Variants in LYPD6B observed in about 807,000 individuals in gnomAD.
The protein encoded by LYPD6B is ly6/PLAUR domain-containing protein 6B.
LYPD6B carries 17 observed loss-of-function variants against 22.8 expected under a neutral mutation model. The ratio of observed to expected loss-of-function variants is 0.75; its 90% CI spans 0.51 to 1.12. The LOEUF is 1.12. Among genes scored for constraint, LYPD6B ranks in the 50% most tolerant of loss-of-function variants. The pLI is 0.00. For missense variants in LYPD6B, 221 were observed against 258.3 expected (o/e 0.86, Z 0.99); for synonymous variants, 106 against 91.6 (o/e 1.16, Z -0.90).
intron 1 of LYPD6B, among the ~76,000 whole-genome samples, chr2:149,045,217 T>C (rs1179514892): frequency 1.3e-5 from 2 of 152,104 alleles, no homozygotes; most frequent in African/African-American, 4.8e-5. Flanking sequence ...CAGAATTTTT[T>C]GTGGTGTTCT....
intron 1 of LYPD6B, among the ~76,000 whole-genome samples, chr2:149,104,639 G>A (rs1352532795): frequency 6.6e-6 from 1 of 151,990 alleles, no homozygotes; most frequent in Non-Finnish European, 1.5e-5. Flanking sequence ...TAGATACTTT[G>A]CAAATCTTTT....
chr2:149,140,610 A>G (rs906977503), intron 2 of LYPD6B, among the ~76,000 whole-genome samples: 13 of 152,264 alleles, frequency 8.5e-5, no homozygotes, highest in African/African-American at 3.1e-4. Flanking sequence ...GATTCAAATA[A>G]TCTCTTTAAG....
intron 1 of LYPD6B, among the ~76,000 whole-genome samples, chr2:149,092,362 G>A (rs998004072): frequency 1.3e-5 from 2 of 152,090 alleles, no homozygotes; most frequent in African/African-American, 4.8e-5. Context: ...CCTTAGACTT[G>A]GGATGTCATG....
intron 1 of LYPD6B, among the ~76,000 whole-genome samples, chr2:149,123,463 G>A (rs987987884): frequency 4.6e-5 from 7 of 152,136 alleles, no homozygotes; most frequent in Admixed American, 1.3e-4. Context: ...AGATCTGTAC[G>A]TAACTAAAGT....
chr2:149,103,267 G>T (rs1306102090), intron 1 of LYPD6B, among the ~76,000 whole-genome samples: 1 of 152,188 alleles, frequency 6.6e-6, no homozygotes, highest in Non-Finnish European at 1.5e-5. Context: ...ATGTTTACAT[G>T]AAGAAGAAAA....
chr2:149,067,774 C>T (rs936890856), intron 1 of LYPD6B, among the ~76,000 whole-genome samples: 7 of 152,010 alleles, frequency 4.6e-5, no homozygotes, highest in African/African-American at 7.2e-5. Context: ...AGTTATTTTA[C>T]AGTCCAAATG....
chr2:149,194,372 G>T (rs1692673826), intron 3 of LYPD6B, among the ~76,000 whole-genome samples: 1 of 152,122 alleles, frequency 6.6e-6, no homozygotes, highest in South Asian at 2.1e-4. Context: ...CTAGATTCAA[G>T]ACTCAGTTGG....
intron 1 of LYPD6B, among the ~76,000 whole-genome samples, chr2:149,045,457 T>G (rs183638555): frequency 1.3e-5 from 2 of 152,018 alleles, no homozygotes; most frequent in East Asian, 3.8e-4. Flanking sequence ...TGTCTTTGCT[T>G]AGGTTTAATG....
intron 1 of LYPD6B, among the ~76,000 whole-genome samples, chr2:149,093,976 T>G (rs1415383707): frequency 6.6e-6 from 1 of 152,350 alleles, no homozygotes; most frequent in Middle Eastern, 3.4e-3. Context: ...TTTTCTTGAC[T>G]TTTCTTTTTT....
At chr2:149,090,995 G>A (rs938962762) in intron 1 of LYPD6B, among the ~76,000 whole-genome samples, 10 of 152,032 alleles carry the variant, frequency 6.6e-5, no homozygotes, top group South Asian at 2.1e-4. Context: ...CTGAAAATAC[G>A]TGAGTGCCCT....
intron 2 of LYPD6B, among the ~76,000 whole-genome samples, chr2:149,144,871 C>T (rs1182740468): frequency 1.3e-5 from 2 of 152,168 alleles, no homozygotes; most frequent in Non-Finnish European, 2.9e-5. Context: ...TCTTCCACCC[C>T]TGATTTGTAT....
chr2:149,054,305 A>T (rs186474772), intron 1 of LYPD6B, among the ~76,000 whole-genome samples: 83 of 152,294 alleles, frequency 5.4e-4, no homozygotes, highest in African/African-American at 1.9e-3. Context: ...GGTGTGAAGT[A>T]ATATTTCTTT....
chr2:149,115,753 T>C (rs1160784778), intron 1 of LYPD6B, among the ~76,000 whole-genome samples: 2 of 152,222 alleles, frequency 1.3e-5, no homozygotes, highest in Non-Finnish European at 2.9e-5. Context: ...TAGACCAATA[T>C]ATCAGTCTCC....
intron 1 of LYPD6B, among the ~76,000 whole-genome samples, chr2:149,056,222 C>T (rs895607050): frequency 6.6e-6 from 1 of 152,164 alleles, no homozygotes; most frequent in African/African-American, 2.4e-5. Context: ...AAGTACTAGC[C>T]TTCTATCCTG....
At chr2:149,062,860 C>CTTTTTTTTTTTTTTTTTTT (rs5835285) in intron 1 of LYPD6B, among the ~76,000 whole-genome samples, 2 of 93,556 alleles carry the variant, frequency 2.1e-5, no homozygotes, top group African/African-American at 4.0e-5. Flanking sequence ...GATACATGTT[C>CTTTTTTTTTTTTTTTTTTT]TTTTTTTTTT....
intron 2 of LYPD6B, among the ~76,000 whole-genome samples, chr2:149,147,089 G>A (rs1009535733): frequency 2.0e-5 from 3 of 152,236 alleles, no homozygotes; most frequent in Admixed American, 1.3e-4. Context: ...GCTTCTCAGC[G>A]GTTCCCAGAG....
intron 2 of LYPD6B, among the ~76,000 whole-genome samples, chr2:149,139,962 AAAG>A (rs1299889513): frequency 6.6e-6 from 1 of 152,208 alleles, no homozygotes; most frequent in East Asian, 1.9e-4. Flanking sequence ...GGTGGGAAGA[AAAG>A]AAGACTCACC....
intron 2 of LYPD6B, among the ~76,000 whole-genome samples, chr2:149,153,410 G>A (rs1290051901): frequency 6.6e-6 from 1 of 152,142 alleles, no homozygotes; most frequent in Non-Finnish European, 1.5e-5. Context: ...TGTGGACAGT[G>A]TCGTGGGATG....
chr2:149,107,533 C>T (rs573512299), intron 1 of LYPD6B, among the ~76,000 whole-genome samples: 28 of 152,286 alleles, frequency 1.8e-4, no homozygotes, highest in East Asian at 5.8e-4. Context: ...CCAAGTGCTG[C>T]GTTAGCAATA....
Sources: gnomAD v4.1 joint callset for allele counts (sites outside exome capture counted in the v4.1 genomes callset) on GRCh38, gnomAD v4.1.1 for gene constraint, MANE v1.5 for transcripts, NCBI Gene and HGNC (gene_info 2026-07-23, HGNC 2026-07-21) for gene names.